GPC6: variants seen among roughly 807,000 people sequenced by gnomAD.
GPC6 encodes glypican-6.
In GPC6, 14 loss-of-function variants were observed where a neutral mutation model predicts 55.2. The ratio of observed to expected loss-of-function variants is 0.25; its 90% CI spans 0.17 to 0.40. The LOEUF is 0.40. Ranked by LOEUF, GPC6 falls within the 10% of genes least tolerant of loss-of-function variation. The pLI, the probability that GPC6 is intolerant of heterozygous loss-of-function variation, is 1.00. For synonymous variants in GPC6, 278 were observed against 259.6 expected, an observed-to-expected ratio of 1.07 and a Z score of -0.68; for missense variants, 641 against 708.5, an observed-to-expected ratio of 0.90 and a Z score of 1.08.
intron 1 of GPC6, among the ~76,000 whole-genome samples, chr13:93,542,871 T>C (rs1882377576): frequency 6.6e-6 from 1 of 152,182 alleles, no homozygotes; most frequent in Admixed American, 6.5e-5. Context: ...TGTAGATTGA[T>C]TTTGTATCCT....
In GPC6 at chr13:93,669,812, G is replaced by A. The variant is rs3904303; in HGVS notation, c.319+124391G>A. On this transcript the variant is annotated intron_variant, in intron 2 of 8. Transcript: ENST00000377047. The stretch of plus-strand genomic sequence containing the variant: ...CATTTATTCCAATCTGTTGAAATTA[G>A]AGTGGGATTGAAAGCCTTAAGAAAA... 1.3e-3 allele frequency among the ~76,000 whole-genome samples: 196 copies of A among 149,714 alleles called. 1 individual carries two copies. The highest frequency in any genetic ancestry group is 4.5e-3 in the African/African-American group (187 of 41,392).
At chr13:94,184,602 C>T (rs1192897093) in intron 4 of GPC6, among the ~76,000 whole-genome samples, 1 of 152,042 alleles carries the variant, frequency 6.6e-6, no homozygotes, top group East Asian at 1.9e-4. Context: ...GCATCTCACA[C>T]CAGTCAGGAA....
chr13:93,254,870 A>G (rs1046659618), intron 1 of GPC6, among the ~76,000 whole-genome samples: 4 of 152,216 alleles, frequency 2.6e-5, no homozygotes, highest in African/African-American at 9.7e-5. Context: ...CTAAGTTGTA[A>G]AATATGTTTT....
At chr13:94,019,644 G>A (rs1365116193) in intron 3 of GPC6, among the ~76,000 whole-genome samples, 1 of 152,084 alleles carries the variant, frequency 6.6e-6, no homozygotes, top group Non-Finnish European at 1.5e-5. Flanking sequence ...CTCTTACAGG[G>A]ACACTTTCAC....
intron 1 of GPC6, among the ~76,000 whole-genome samples, chr13:93,490,608 C>T (rs1458784009): frequency 1.4e-4 from 18 of 128,946 alleles, no homozygotes; most frequent in Admixed American, 5.0e-4. Flanking sequence ...CATGCTGGTG[C>T]GCTGCACCCA....
At chr13:93,334,107 A>C (rs892736749) in intron 1 of GPC6, among the ~76,000 whole-genome samples, 1 of 152,080 alleles carries the variant, frequency 6.6e-6, no homozygotes, top group Non-Finnish European at 1.5e-5. Context: ...ATAGACAACA[A>C]ATTTTCATTA....
intron 2 of GPC6, among the ~76,000 whole-genome samples, chr13:93,700,685 G>C (rs1343047255): frequency 6.6e-6 from 1 of 152,038 alleles, no homozygotes; most frequent in East Asian, 1.9e-4. Context: ...TTACTTTTGT[G>C]TTATCAGTTC....
intron 3 of GPC6, among the ~76,000 whole-genome samples, chr13:93,964,770 C>G (rs542609239): frequency 1.2e-4 from 19 of 152,286 alleles, no homozygotes; most frequent in African/African-American, 4.6e-4. Flanking sequence ...TCTGAAGTGA[C>G]TGGCGTTGTT....
At chr13:93,723,166 C>T (rs1385010314) in intron 2 of GPC6, among the ~76,000 whole-genome samples, 1 of 151,896 alleles carries the variant, frequency 6.6e-6, no homozygotes, top group Non-Finnish European at 1.5e-5. Context: ...ATCCCCTTGC[C>T]TCTTTTACCT....
At position 93,263,626 on chromosome 13, in the gene GPC6, A is replaced by C. The variant is rs1299703613; in HGVS notation, c.160+36010A>C. On this transcript the variant is annotated intron_variant, in intron 1 of 8. Transcript: ENST00000377047. ...GTGATCCACTGGCCTTGGCCTCCCA[A>C]AGTGCTGGGATTACAGGCATGAGCC... Among the ~76,000 whole-genome samples, 4 of 152,026 alleles carry C rather than the reference A, an allele frequency of 2.6e-5. No homozygotes were observed. The East Asian group carries it at 7.7e-4, about 29-fold the overall frequency.
At chr13:94,226,563 G>A (rs577935612) in intron 4 of GPC6, among the ~76,000 whole-genome samples, 30 of 152,146 alleles carry the variant, frequency 2.0e-4, no homozygotes, top group African/African-American at 7.2e-4. Context: ...TTTAAAAAAG[G>A]TACCTGAGGC....
At chr13:93,575,366 T>C (rs1029987923) in intron 2 of GPC6, among the ~76,000 whole-genome samples, 3 of 152,196 alleles carry the variant, frequency 2.0e-5, no homozygotes, top group Non-Finnish European at 4.4e-5. Context: ...AAGGAGATAT[T>C]ACTCCATGCC....
At chr13:94,231,242 G>A (rs1052771901) in intron 4 of GPC6, among the ~76,000 whole-genome samples, 1 of 152,154 alleles carries the variant, frequency 6.6e-6, no homozygotes, top group African/African-American at 2.4e-5. Flanking sequence ...CCTTGGGCTG[G>A]TGTAGTCAAT....
At chr13:94,399,937 G>A (rs1419751740) in intron 8 of GPC6, among the ~76,000 whole-genome samples, 1 of 152,136 alleles carries the variant, frequency 6.6e-6, no homozygotes, top group Non-Finnish European at 1.5e-5. Flanking sequence ...ATTAAATAAA[G>A]TGCTCTATCA....
intron 1 of GPC6, among the ~76,000 whole-genome samples, chr13:93,393,956 T>C (rs1875749164): frequency 6.6e-6 from 1 of 152,058 alleles, no homozygotes; most frequent in Non-Finnish European, 1.5e-5. Context: ...TAAACTTTGG[T>C]GGAACTTAAA....
intron 2 of GPC6, among the ~76,000 whole-genome samples, chr13:93,757,385 G>A (rs969314034): frequency 6.6e-6 from 1 of 152,166 alleles, no homozygotes; most frequent in Non-Finnish European, 1.5e-5. Flanking sequence ...ACCCACAGAA[G>A]GTTGTAGCTT....
chr13:94,392,475 C>A (rs1192310924), intron 7 of GPC6, among the ~76,000 whole-genome samples: 1 of 130,922 alleles, frequency 7.6e-6, no homozygotes, highest in Non-Finnish European at 1.5e-5. Context: ...GTGGCCCAGG[C>A]TGGAGTGCAA....
At chr13:94,051,488 C>T (rs1883946731) in intron 4 of GPC6, among the ~76,000 whole-genome samples, 2 of 152,256 alleles carry the variant, frequency 1.3e-5, no homozygotes, top group African/African-American at 4.8e-5. Context: ...CTGGCAATTA[C>T]TCAGCTTGGT....
At chr13:94,377,380 G>A (rs1237962828) in intron 6 of GPC6, among the ~76,000 whole-genome samples, 1 of 111,252 alleles carries the variant, frequency 9.0e-6, no homozygotes, top group East Asian at 3.0e-4. Context: ...CAAAAAGTGG[G>A]CAAAGGACAT....
Sources: gnomAD v4.1 joint callset for allele counts (sites outside exome capture counted in the v4.1 genomes callset) on GRCh38, gnomAD v4.1.1 for gene constraint, MANE v1.5 for transcripts, NCBI Gene and HGNC (gene_info 2026-07-23, HGNC 2026-07-21) for gene names.